CEP112: variants seen among roughly 807,000 people sequenced by gnomAD.
CEP112 encodes the protein centrosomal protein 112.
Under a neutral mutation model 153.0 loss-of-function variants are expected in CEP112, and 127 were observed. The observed-to-expected ratio is 0.83, with a 90% confidence interval of 0.72 to 0.96. The LOEUF (loss-of-function observed/expected upper bound fraction) is 0.96, where lower values mean the gene tolerates loss of function less well. Among genes scored for constraint, CEP112 ranks in the 40% least tolerant of loss-of-function variants. CEP112 has a pLI of 0.00. For synonymous variants in CEP112, 358 were observed against 374.4 expected (o/e 0.96, Z 0.51); for missense variants, 1,089 against 1,101.2 (o/e 0.99, Z 0.16).
At chr17:65,877,932 C>G (rs571009034) in intron 20 of CEP112, among the ~76,000 whole-genome samples, 100 of 152,164 alleles carry the variant, frequency 6.6e-4, no homozygotes, top group Non-Finnish European at 1.5e-4. Flanking sequence ...GTGAAAAAAG[C>G]CAGACACAGA....
intron 9 of CEP112, among the ~76,000 whole-genome samples, chr17:66,068,921 CT>C (rs2067214899): frequency 6.6e-6 from 1 of 151,770 alleles, no homozygotes; most frequent in Admixed American, 6.6e-5. Context: ...ACAATTTAAA[CT>C]AAAGTAAAAC....
intron 19 of CEP112, 45 bp from the exon 20 acceptor site, chr17:65,902,379 G>A (rs758846950): frequency 1.3e-6 from 2 of 1,534,936 alleles, no homozygotes; most frequent in South Asian, 1.2e-5. Context: ...GAACATCCTT[G>A]TCGTCATGAC....
intron 24 of CEP112, among the ~76,000 whole-genome samples, chr17:65,653,919 C>T (rs746150407): frequency 2.4e-4 from 36 of 151,520 alleles, no homozygotes; most frequent in African/African-American, 6.5e-4. Flanking sequence ...ATTAGCCGGG[C>T]GTGGTGGTGC....
rs572795707 is a variant in CEP112 at position 66,001,338 on chromosome 17, C to T, written c.1736+4352G>A. ...TAAATTTAAGTTCCTTATAGATGTT[C>T]GATATTAGACCTTTGTCAGATGCAT... On this transcript the variant is annotated intron_variant, in intron 17 of 26. Coordinates refer to ENST00000535342, the MANE Select transcript of CEP112 (RefSeq NM_001199165.4). Among the ~76,000 whole-genome samples, 31 of 152,192 alleles carry T rather than the reference C, an allele frequency of 2.0e-4. No homozygotes were observed. The South Asian group carries it at 5.0e-3, about 24-fold the overall frequency.
At chr17:65,885,607 C>T (rs964875841) in intron 20 of CEP112, among the ~76,000 whole-genome samples, 1 of 152,212 alleles carries the variant, frequency 6.6e-6, no homozygotes, top group Non-Finnish European at 1.5e-5. Context: ...TCAAATCTTT[C>T]TTGTCAAATT....
intron 17 of CEP112, among the ~76,000 whole-genome samples, chr17:65,971,240 A>C (rs760112908): frequency 6.6e-6 from 1 of 152,328 alleles, no homozygotes; most frequent in East Asian, 1.9e-4. Context: ...TACGTGCAAA[A>C]CATGCACATC....
chr17:65,835,543 G>C (rs1247508269), intron 21 of CEP112, among the ~76,000 whole-genome samples: 1 of 152,170 alleles, frequency 6.6e-6, no homozygotes, highest in Admixed American at 6.5e-5. Flanking sequence ...GAAGAGAGTA[G>C]GATGCTATAT....
Position 65,635,808 on chromosome 17 carries a change from C to A in CEP112, c.*163G>T. On this transcript the variant is annotated 3_prime_UTR_variant, in exon 27 of 27. Coordinates refer to ENST00000535342, the MANE Select transcript of CEP112 (RefSeq NM_001199165.4). Reference sequence around the variant, plus strand: ...CTTAGGCAGACACAAATAAAACCACCCCACTAGTGTATGAATGATGCATGT... The same window carrying A: ...CTTAGGCAGACACAAATAAAACCACACCACTAGTGTATGAATGATGCATGT... 3 of 668,952 alleles carry A rather than the reference C, an allele frequency of 4.5e-6. No individual in the cohort carries two copies. The highest frequency in any genetic ancestry group is 2.9e-5 in the East Asian group (1 of 34,886). 41.4% of individuals were successfully genotyped at this position (668,952 alleles called of 1,614,324 possible). A position where few individuals can be genotyped will look rare whatever the true frequency, so the allele number is the denominator to read the frequency against.
intron 4 of CEP112, among the ~76,000 whole-genome samples, chr17:66,156,906 T>C (rs1242185127): frequency 6.6e-6 from 1 of 152,150 alleles, no homozygotes; most frequent in Non-Finnish European, 1.5e-5. Flanking sequence ...GTCTGATTGG[T>C]GTACCTGAAA....
At chr17:66,032,840 T>G (rs550094683) in intron 12 of CEP112, among the ~76,000 whole-genome samples, 1 of 152,128 alleles carries the variant, frequency 6.6e-6, no homozygotes, top group Non-Finnish European at 1.5e-5. Context: ...CACACAAAAT[T>G]AAGTGAAGAT....
Position 65,865,357 on chromosome 17 carries a change from A to C in CEP112, c.2164-13323T>G, listed in dbSNP as rs553249608. Among the ~76,000 whole-genome samples, 6 of 152,182 alleles carry C rather than the reference A, an allele frequency of 3.9e-5. No homozygotes were observed. In the East Asian group the frequency reaches 1.2e-3, roughly 29 times the overall value. On this transcript the variant is annotated intron_variant, in intron 20 of 26. Transcript: ENST00000535342. ...GCGCCCAGCCAAGAAGGACTGTTGCAGTTGGTGTGCATGGCTCGTATATAA... is the reference window on the plus strand; with the variant it reads ...GCGCCCAGCCAAGAAGGACTGTTGCCGTTGGTGTGCATGGCTCGTATATAA...
chr17:65,689,045 G>A, intron 24 of CEP112, 84 bp downstream of exon 24: 1 of 960,090 alleles, frequency 1.0e-6, no homozygotes, highest in Non-Finnish European at 1.7e-6. Flanking sequence ...TGAGATTACA[G>A]GTGTGAGCCA....
chr17:65,824,435 G>T (rs1432582545), intron 21 of CEP112, among the ~76,000 whole-genome samples: 1 of 152,232 alleles, frequency 6.6e-6, no homozygotes, highest in Non-Finnish European at 1.5e-5. Context: ...CAAAGGTCTG[G>T]AGAAATGTTT....
intron 24 of CEP112, chr17:65,644,471 G>A (rs924371446): frequency 2.2e-5 from 8 of 368,688 alleles, no homozygotes; most frequent in African/African-American, 8.4e-5. Context: ...GTCTTCTCAC[G>A]TGAAACTGGA....
intron 19 of CEP112, among the ~76,000 whole-genome samples, chr17:65,905,817 T>C (rs1341653066): frequency 6.6e-6 from 1 of 151,962 alleles, no homozygotes; most frequent in African/African-American, 2.4e-5. Context: ...TAGTGGTGGA[T>C]GCCTGTAGTC....
intron 12 of CEP112, among the ~76,000 whole-genome samples, chr17:66,031,992 G>T (rs2065507721): frequency 6.6e-6 from 1 of 152,212 alleles, no homozygotes; most frequent in Admixed American, 6.5e-5. Context: ...CACACCAGCA[G>T]TTTTCTCAAG....
intron 12 of CEP112, 78 bp downstream of exon 12, chr17:66,053,658 T>G: frequency 7.1e-7 from 1 of 1,406,798 alleles, no homozygotes; most frequent in East Asian, 2.3e-5. Flanking sequence ...TTCTACACTG[T>G]GCACATCAGG....
At chr17:65,866,284 G>A (rs916853042) in intron 20 of CEP112, among the ~76,000 whole-genome samples, 1 of 152,220 alleles carries the variant, frequency 6.6e-6, no homozygotes, top group Non-Finnish European at 1.5e-5. Context: ...CACCCTCGAG[G>A]TATCACGGAC....
At chr17:66,017,203 A>G (rs372712338) in intron 16 of CEP112, among the ~76,000 whole-genome samples, 1 of 152,148 alleles carries the variant, frequency 6.6e-6, no homozygotes, top group African/African-American at 2.4e-5. Context: ...TGAATTGCCA[A>G]TTTTGTCTTT....
Sources: allele counts gnomAD v4.1 joint callset (sites outside exome capture counted in the v4.1 genomes callset), GRCh38; gene constraint gnomAD v4.1.1; transcripts MANE v1.5; gene names NCBI Gene and HGNC (gene_info 2026-07-23, HGNC 2026-07-21).